SLX4: variants seen among roughly 807,000 people sequenced by gnomAD.
SLX4 encodes SLX4 structure-specific endonuclease subunit.
In SLX4, 112 loss-of-function variants were observed where a neutral mutation model predicts 146.2. The ratio of observed to expected loss-of-function variants is 0.77; its 90% confidence interval spans 0.66 to 0.90. The LOEUF is 0.90. Ranked by LOEUF, SLX4 falls within the 40% of genes least tolerant of loss-of-function variation. The probability of loss-of-function intolerance (pLI) is 0.00; values close to 1 mark genes in which losing one functional copy is unlikely to be tolerated. For synonymous variants in SLX4, 1,061 were observed against 997.7 expected, an observed-to-expected ratio of 1.06 and a Z score of -1.20; for missense variants, 2,563 against 2,392.7, an observed-to-expected ratio of 1.07 and a Z score of -1.49.
intron 9 of SLX4, among the ~76,000 whole-genome samples, chr16:3,595,050 T>G (rs1344087090): frequency 1.3e-5 from 2 of 152,144 alleles, no homozygotes; most frequent in Non-Finnish European, 2.9e-5. Flanking sequence ...AGGCTGGCCT[T>G]GGCATGAAGT....
intron 7 of SLX4, among the ~76,000 whole-genome samples, chr16:3,596,839 T>C (rs988548288): frequency 6.6e-6 from 1 of 151,506 alleles, no homozygotes; most frequent in Non-Finnish European, 1.5e-5. Context: ...TTTTTTTTTT[T>C]CAAGACAGAG....
intron 11 of SLX4, 115 bp downstream of exon 11, chr16:3,592,584 C>T (rs1281492148): frequency 4.8e-6 from 6 of 1,241,684 alleles, no homozygotes; most frequent in East Asian, 2.5e-5. Context: ...AAGGTATAAA[C>T]AGGACTGTTA....
At chr16:3,592,306 G>A (rs375274531) in intron 11 of SLX4, among the ~76,000 whole-genome samples, 11 of 152,234 alleles carry the variant, frequency 7.2e-5, no homozygotes, top group Non-Finnish European at 1.5e-4. Context: ...TGCAGCCTAA[G>A]CATTCTCTCC....
chr16:3,582,728 CTT>C (rs1567166124), intron 14 of SLX4, 35 bp from the exon 15 acceptor site: 9 of 1,571,344 alleles, frequency 5.7e-6, no homozygotes, highest in Non-Finnish European at 6.9e-6. Context: ...TGTGCAACCC[CTT>C]TCTCTCCAGC....
Position 3,589,930 on chromosome 16 carries a change from C to T in SLX4, c.3708G>A (p.Trp1236Ter), listed in dbSNP as rs2151123007. Residue 1236 changes from tryptophan (W) to a stop codon, truncating the protein, a stop_gained, in exon 12 of 15, where the codon TGG becomes TGA. Coordinates refer to ENST00000294008, the MANE Select transcript of SLX4 (RefSeq NM_032444.4). LOFTEE classifies it high-confidence loss of function. The surrounding 1 kb of genome is among the most constrained non-coding windows in gnomAD (Gnocchi z 6.2). The part of the protein sequence containing the change: ...RGSLGRRGAP[W>*]LFCDRESSPS... Reference sequence around the variant, plus strand: ...GGCTGCTCTCACGGTCACAGAACAGCCAGGGAGCCCCTCTCCTGCCCAAAG... The same window carrying T: ...GGCTGCTCTCACGGTCACAGAACAGTCAGGGAGCCCCTCTCCTGCCCAAAG... 6.2e-7 allele frequency: 1 copy of T among 1,613,948 alleles called. No homozygotes were observed.
chr16:3,594,402 GGA>G, intron 10 of SLX4, 49 bp downstream of exon 10: 1 of 1,580,624 alleles, frequency 6.3e-7, no homozygotes, highest in Non-Finnish European at 8.6e-7. Flanking sequence ...AAAGGCAGGA[GGA>G]GAGAGGGAGA....
At chr16:3,595,758 A>G in intron 8 of SLX4, 65 bp from the exon 9 acceptor site, 1 of 1,576,452 alleles carries the variant, frequency 6.3e-7, no homozygotes, top group South Asian at 1.1e-5. Context: ...CCAAGAAGAC[A>G]GCGTTGACCA....
At chr16:3,596,823 G>GTT (rs559583897) in intron 7 of SLX4, among the ~76,000 whole-genome samples, 51 of 137,734 alleles carry the variant, frequency 3.7e-4, no homozygotes, top group Non-Finnish European at 5.7e-4. Context: ...CTGGGACTCT[G>GTT]TTTTTTTTTT....
chr16:3,610,594 A>G (rs926829502), intron 1 of SLX4, among the ~76,000 whole-genome samples: 55 of 152,352 alleles, frequency 3.6e-4, no homozygotes, highest in African/African-American at 1.3e-3. Flanking sequence ...CAGTTCAGGA[A>G]CAGCTTTCAC....
chr16:3,587,596 A>G (rs1424844455), intron 12 of SLX4, among the ~76,000 whole-genome samples: 1 of 152,202 alleles, frequency 6.6e-6, no homozygotes, highest in Non-Finnish European at 1.5e-5. Context: ...CTGTGGCCGC[A>G]GCGTCGTCCT....
chr16:3,585,534 C>G (rs1455745582), intron 12 of SLX4, among the ~76,000 whole-genome samples: 2 of 143,826 alleles, frequency 1.4e-5, no homozygotes, highest in Non-Finnish European at 3.0e-5. Flanking sequence ...TGCAGTGAGC[C>G]GAGATCACAC....
At chr16:3,593,219 C>T (rs558335115) in intron 10 of SLX4, among the ~76,000 whole-genome samples, 1 of 152,236 alleles carries the variant, frequency 6.6e-6, no homozygotes, top group Admixed American at 6.5e-5. Flanking sequence ...TTGCAGCCGC[C>T]CACCACCATG....
At position 3,597,901 on chromosome 16, in the gene SLX4, A is replaced by G. The variant is rs746531891; in HGVS notation, c.1262T>C (p.Leu421Pro). Reference protein sequence around the residue: ...RKVDEAPSEDLLVAMALSRSE... With the variant: ...RKVDEAPSEDPLVAMALSRSE... Reference sequence around the variant, plus strand: ...CCGGGACAGAGCCATGGCCACCAGCAGGTCCTCGGACGGTGCCTCGTCCAC... The same window carrying G: ...CCGGGACAGAGCCATGGCCACCAGCGGGTCCTCGGACGGTGCCTCGTCCAC... Residue 421 changes from leucine to proline, a missense_variant, in exon 6 of 15, where the codon CTG (leucine) becomes CCG (proline). Physicochemically the swap from Leu to Pro is moderately conservative, Grantham distance 98. Transcript: ENST00000294008. The surrounding 1 kb of genome is among the most constrained non-coding windows in gnomAD (Gnocchi z 4.4). 14 of 1,614,150 alleles carry G rather than the reference A, an allele frequency of 8.7e-6. No homozygotes were observed. The highest frequency in any genetic ancestry group is 1.2e-5 in the Non-Finnish European group (14 of 1,180,030).
intron 13 of SLX4, 65 bp from the exon 14 acceptor site, chr16:3,583,575 A>G (rs974281755): frequency 3.1e-5 from 49 of 1,580,016 alleles, no homozygotes; most frequent in South Asian, 5.5e-5. Context: ...CACGTTCCCT[A>G]TCTTAGCAAA....
chr16:3,606,256 A>T (rs1480432399), intron 3 of SLX4, among the ~76,000 whole-genome samples: 1 of 152,120 alleles, frequency 6.6e-6, no homozygotes, highest in East Asian at 1.9e-4. Flanking sequence ...GTCTCAGAAA[A>T]AAAAACAAAA....
chr16:3,610,768 T>C (rs1294209609), intron 1 of SLX4, among the ~76,000 whole-genome samples: 1 of 152,312 alleles, frequency 6.6e-6, no homozygotes, highest in Non-Finnish European at 1.5e-5. Flanking sequence ...GGTGCCTGAC[T>C]TGAAATAAGT....
At chr16:3,588,569 A>C (rs2040535087) in intron 12 of SLX4, among the ~76,000 whole-genome samples, 1 of 152,160 alleles carries the variant, frequency 6.6e-6, no homozygotes, top group Admixed American at 6.5e-5. Flanking sequence ...CCTGTTTTTA[A>C]TTCTTTTGGA....
In SLX4 at chr16:3,584,891, C is replaced by G. The variant is rs767061713; in HGVS notation, c.4637-20G>C. ...CACCTTCTGGGTAAAACAAAAGAAG[C>G]ACACGTTTTAGCATGAGGGACACGG... On this transcript the variant is annotated intron_variant, in intron 12 of 14. Transcript: ENST00000294008. 1 of 1,561,250 alleles carries G rather than the reference C, an allele frequency of 6.4e-7. No homozygotes were observed. The highest frequency in any genetic ancestry group is 8.8e-7 in the Non-Finnish European group (1 of 1,131,792).
chr16:3,603,444 G>C (rs1487698915), intron 3 of SLX4, among the ~76,000 whole-genome samples: 1 of 152,240 alleles, frequency 6.6e-6, no homozygotes, highest in East Asian at 1.9e-4. Flanking sequence ...CTGGGCAGGG[G>C]CGGAGCTCAC....
Sources: gnomAD v4.1 joint callset for allele counts (sites outside exome capture counted in the v4.1 genomes callset) on GRCh38, gnomAD v4.1.1 for gene constraint, Gnocchi (gnomAD v3.1) non-coding constraint, MANE v1.5 for transcripts, NCBI Gene and HGNC (gene_info 2026-07-23, HGNC 2026-07-21) for gene names.